The following MLLT3 variants were observed in gnomAD, a reference collection of about 807,000 sequenced individuals.
The protein encoded by MLLT3 is MLLT3 super elongation complex subunit, also known as protein AF-9.
A neutral mutation model predicts 53.2 loss-of-function variants in MLLT3; 4 were observed. The observed-to-expected ratio is 0.08, with a 90% CI of 0.04 to 0.17. The LOEUF (loss-of-function observed/expected upper bound fraction) is 0.17, where lower values mean the gene tolerates loss of function less well. Ranked by LOEUF, MLLT3 falls within the 10% of genes least tolerant of loss-of-function variation. The pLI, the probability that MLLT3 is intolerant of heterozygous loss-of-function variation, is 1.00. For synonymous variants in MLLT3, 283 were observed against 230.6 expected (o/e 1.23, Z -2.06); for missense variants, 569 against 684.0 (o/e 0.83, Z 1.87).
intron 2 of MLLT3, among the ~76,000 whole-genome samples, chr9:20,465,032 C>A (rs1366071298): frequency 1.3e-5 from 2 of 151,952 alleles, no homozygotes; most frequent in Admixed American, 6.6e-5. Flanking sequence ...TTTATATAAC[C>A]TATTTTTTCT....
At chr9:20,589,495 T>C (rs1820069889) in intron 2 of MLLT3, among the ~76,000 whole-genome samples, 1 of 145,502 alleles carries the variant, frequency 6.9e-6, no homozygotes, top group African/African-American at 2.5e-5. Flanking sequence ...GATGACGAGT[T>C]AGTGGGTGCA....
chr9:20,598,960 T>C (rs1355738063), intron 2 of MLLT3, among the ~76,000 whole-genome samples: 1 of 152,198 alleles, frequency 6.6e-6, no homozygotes, highest in Non-Finnish European at 1.5e-5. Context: ...TATTCAATGA[T>C]TAAGAGATGT....
intron 2 of MLLT3, among the ~76,000 whole-genome samples, chr9:20,543,720 G>A (rs766934533): frequency 2.0e-5 from 3 of 151,434 alleles, no homozygotes; most frequent in Admixed American, 6.6e-5. Flanking sequence ...GAGGACGGAG[G>A]AGGAAGGAGG....
chr9:20,493,289 C>CA (rs1824998919), intron 2 of MLLT3, among the ~76,000 whole-genome samples: 1 of 151,888 alleles, frequency 6.6e-6, no homozygotes, highest in Non-Finnish European at 1.5e-5. Context: ...AGTAATTTAT[C>CA]AAAAAATAAG....
chr9:20,430,060 C>A (rs1823228697), intron 4 of MLLT3, among the ~76,000 whole-genome samples: 1 of 152,002 alleles, frequency 6.6e-6, no homozygotes, highest in African/African-American at 2.4e-5. Flanking sequence ...ATATCAATAT[C>A]CTAAGGTAGA....
At chr9:20,565,365 C>T (rs536949147) in intron 2 of MLLT3, among the ~76,000 whole-genome samples, 39 of 152,188 alleles carry the variant, frequency 2.6e-4, no homozygotes, top group African/African-American at 9.4e-4. Context: ...TGCAACTGTG[C>T]TCTTGGTGGG....
intron 4 of MLLT3, among the ~76,000 whole-genome samples, chr9:20,438,121 AGAACATG>A (rs1011770633): frequency 6.6e-6 from 1 of 152,252 alleles, no homozygotes; most frequent in African/African-American, 2.4e-5. Flanking sequence ...AACCTTTGAA[AGAACATG>A]ACTATTCAAA....
chr9:20,501,869 C>A (rs961170808), intron 2 of MLLT3, among the ~76,000 whole-genome samples: 1 of 150,286 alleles, frequency 6.7e-6, no homozygotes, highest in African/African-American at 2.5e-5. Context: ...TCACCTGAGA[C>A]CAGGAGTTCG....
chr9:20,349,313 C>T (rs1820952386), intron 10 of MLLT3, among the ~76,000 whole-genome samples: 1 of 152,090 alleles, frequency 6.6e-6, no homozygotes, highest in African/African-American at 2.4e-5. Flanking sequence ...ATAAATAAAG[C>T]TTCTTATAAA....
chr9:20,436,387 GAAGC>G (rs1460262292), intron 4 of MLLT3, among the ~76,000 whole-genome samples: 1 of 152,126 alleles, frequency 6.6e-6, no homozygotes. Flanking sequence ...TGTATTTTCA[GAAGC>G]AAGAGAAATA....
intron 5 of MLLT3, among the ~76,000 whole-genome samples, chr9:20,386,531 G>C (rs1040415607): frequency 2.0e-5 from 3 of 152,202 alleles, no homozygotes; most frequent in Admixed American, 6.6e-5. Context: ...CCAGTCGCTG[G>C]AGTAATGAAC....
Position 20,508,402 on chromosome 9 carries a change from A to C in MLLT3, c.194-51616T>G, listed in dbSNP as rs553761306. ...AATGAAAGTGTTTACAGATGGTAGA[A>C]AGAGATAGGAGAGGACACTACCGCA... is the stretch of plus-strand genomic sequence containing the variant. On this transcript the variant is annotated intron_variant, in intron 2 of 10. Transcript: ENST00000380338. 3.3e-5 allele frequency among the ~76,000 whole-genome samples: 5 copies of C among 152,326 alleles called. No homozygotes were observed. In the South Asian group the frequency reaches 1.0e-3, roughly 32 times the overall value.
intron 2 of MLLT3, among the ~76,000 whole-genome samples, chr9:20,557,768 G>C (rs762871226): frequency 2.6e-5 from 4 of 152,170 alleles, no homozygotes; most frequent in Admixed American, 6.6e-5. Context: ...TAATTAGCGA[G>C]TAATTCTACC....
intron 2 of MLLT3, among the ~76,000 whole-genome samples, chr9:20,509,195 C>G (rs1255977201): frequency 1.3e-5 from 2 of 152,212 alleles, no homozygotes; most frequent in Non-Finnish European, 2.9e-5. Flanking sequence ...AGAGTCCAGA[C>G]TGGGTACCCA....
chr9:20,353,753 C>T (rs1821095259), intron 9 of MLLT3, among the ~76,000 whole-genome samples, 157 bp from the exon 10 acceptor site: 1 of 152,222 alleles, frequency 6.6e-6, no homozygotes, highest in Non-Finnish European at 1.5e-5. Context: ...CCAAAGGCCT[C>T]TGCAGAACAA....
intron 3 of MLLT3, among the ~76,000 whole-genome samples, chr9:20,453,472 A>C (rs893612814): frequency 3.9e-5 from 6 of 152,202 alleles, no homozygotes; most frequent in African/African-American, 1.4e-4. Flanking sequence ...CTGAGGTGGA[A>C]GGATCACTTG....
chr9:20,421,846 G>C (rs1358503606), intron 4 of MLLT3, among the ~76,000 whole-genome samples: 1 of 152,100 alleles, frequency 6.6e-6, no homozygotes, highest in Admixed American at 6.5e-5. Context: ...CAGAGAAAGA[G>C]AGAGAGAATG....
At chr9:20,393,141 G>C (rs769920895) in intron 5 of MLLT3, among the ~76,000 whole-genome samples, 2 of 151,934 alleles carry the variant, frequency 1.3e-5, no homozygotes, top group Non-Finnish European at 2.9e-5. Context: ...GGCAACAAGA[G>C]CAAAACTCCA....
At chr9:20,419,811 C>T (rs1315558620) in intron 4 of MLLT3, among the ~76,000 whole-genome samples, 1 of 151,986 alleles carries the variant, frequency 6.6e-6, no homozygotes, top group African/African-American at 2.4e-5. Context: ...TCTAGTCAAA[C>T]AATAACTGAA....
Sources: allele counts gnomAD v4.1 joint callset (sites outside exome capture counted in the v4.1 genomes callset), GRCh38; gene constraint gnomAD v4.1.1; transcripts MANE v1.5; gene names NCBI Gene and HGNC (gene_info 2026-07-23, HGNC 2026-07-21).